Variants in TSPAN18 observed in about 807,000 individuals in gnomAD.
TSPAN18 encodes tetraspanin 18.
Under a neutral mutation model 27.3 loss-of-function variants are expected in TSPAN18, and 14 were observed. The observed-to-expected ratio is 0.51, with a 90% CI of 0.34 to 0.80. The LOEUF is 0.80. Ranked by LOEUF, TSPAN18 falls within the 30% of genes least tolerant of loss-of-function variation. The probability of loss-of-function intolerance (pLI) is 0.01; values close to 1 mark genes in which losing one functional copy is unlikely to be tolerated. For synonymous variants in TSPAN18, 143 were observed against 136.5 expected (o/e 1.05, Z -0.33); for missense variants, 268 against 323.9 (o/e 0.83, Z 1.32).
intron 1 of TSPAN18, among the ~76,000 whole-genome samples, chr11:44,749,063 T>C (rs1855149359): frequency 6.6e-6 from 1 of 152,204 alleles, no homozygotes; most frequent in Non-Finnish European, 1.5e-5. Context: ...CTGGCAGAGC[T>C]GGATCTGCAC....
At chr11:44,845,834 C>T (rs1353562749) in intron 2 of TSPAN18, among the ~76,000 whole-genome samples, 1 of 152,214 alleles carries the variant, frequency 6.6e-6, no homozygotes, top group Non-Finnish European at 1.5e-5. Flanking sequence ...GGGTAGGCAC[C>T]ACCTGTGCTA....
At chr11:44,823,219 G>A (rs1336660110) in intron 2 of TSPAN18, among the ~76,000 whole-genome samples, 3 of 152,124 alleles carry the variant, frequency 2.0e-5, no homozygotes, top group Non-Finnish European at 4.4e-5. Context: ...CTGCCCACTC[G>A]GCCTGCTTGC....
intron 1 of TSPAN18, among the ~76,000 whole-genome samples, chr11:44,743,625 C>A (rs1228118204): frequency 6.6e-6 from 1 of 152,218 alleles, no homozygotes; most frequent in African/African-American, 2.4e-5. Context: ...TAGGAAATCT[C>A]CAGCTTTCAA....
chr11:44,890,902 TG>T (rs1458560492), intron 3 of TSPAN18, among the ~76,000 whole-genome samples: 1 of 152,208 alleles, frequency 6.6e-6, no homozygotes, highest in Admixed American at 6.5e-5. Context: ...TTGTGCACAG[TG>T]GCTCACGTCT....
chr11:44,911,322 C>T (rs1859704152), intron 5 of TSPAN18, among the ~76,000 whole-genome samples: 1 of 152,044 alleles, frequency 6.6e-6, no homozygotes. Flanking sequence ...GACCTGGCAC[C>T]ATACCTCCTC....
At chr11:44,897,648 G>A (rs766423460) in intron 3 of TSPAN18, 17 of 639,250 alleles carry the variant, frequency 2.7e-5, no homozygotes, top group East Asian at 6.8e-5. Flanking sequence ...CAGTTGCCCC[G>A]AGTGTGTGTA....
intron 3 of TSPAN18, among the ~76,000 whole-genome samples, chr11:44,861,181 C>T (rs1857872213): frequency 6.6e-6 from 1 of 152,044 alleles, no homozygotes. Context: ...AGGGCAGGCA[C>T]CTGCAGATCC....
At chr11:44,822,040 C>A (rs1364750062) in intron 2 of TSPAN18, among the ~76,000 whole-genome samples, 1 of 152,026 alleles carries the variant, frequency 6.6e-6, no homozygotes, top group Non-Finnish European at 1.5e-5. Flanking sequence ...AGAGAAATGG[C>A]AACAGGAGGT....
Position 44,897,770 on chromosome 11 carries a change from T to C in TSPAN18, c.-10-8637T>C, listed in dbSNP as rs867403646. On this transcript the variant is annotated intron_variant, in intron 3 of 9. Coordinates refer to ENST00000520358, the MANE Select transcript of TSPAN18 (RefSeq NM_130783.5). ...GGACAAGCTGGGCCGATAAAAGAAA[T>C]ATACACAAGCCTCGCTGACGGGAGA... 82 of 1,289,318 alleles carry C rather than the reference T, an allele frequency of 6.4e-5. 1 individual carries two copies. The Middle Eastern group carries it at 6.6e-3, about 104-fold the overall frequency. 79.9% of individuals were successfully genotyped at this position (1,289,318 alleles called of 1,614,324 possible).
At chr11:44,765,911 A>G (rs1422348007) in intron 2 of TSPAN18, among the ~76,000 whole-genome samples, 1 of 152,158 alleles carries the variant, frequency 6.6e-6, no homozygotes, top group African/African-American at 2.4e-5. Context: ...TGGGACAGTG[A>G]CACCTACTCA....
chr11:44,740,905 G>A (rs1350838057), intron 1 of TSPAN18, among the ~76,000 whole-genome samples: 1 of 152,192 alleles, frequency 6.6e-6, no homozygotes, highest in East Asian at 1.9e-4. Flanking sequence ...CCTGTCCCAA[G>A]TAGCTGGGAC....
chr11:44,849,168 A>G (rs1380447783), intron 2 of TSPAN18, among the ~76,000 whole-genome samples: 1 of 152,176 alleles, frequency 6.6e-6, no homozygotes, highest in African/African-American at 2.4e-5. Context: ...GGTGACAGTC[A>G]AAGTGATCTT....
intron 1 of TSPAN18, among the ~76,000 whole-genome samples, chr11:44,735,065 A>C (rs528135137): frequency 6.6e-6 from 1 of 152,302 alleles, no homozygotes; most frequent in Non-Finnish European, 1.5e-5. Context: ...GTCTCTGAAG[A>C]CAGGGTTCTG....
chr11:44,731,239 G>A (rs1854647491), intron 1 of TSPAN18, among the ~76,000 whole-genome samples: 1 of 152,210 alleles, frequency 6.6e-6, no homozygotes, highest in Admixed American at 6.5e-5. Context: ...GTGAGTCACA[G>A]CCTCTCTCTG....
intron 3 of TSPAN18, among the ~76,000 whole-genome samples, chr11:44,872,128 G>T (rs555605975): frequency 6.6e-6 from 1 of 151,772 alleles, no homozygotes; most frequent in African/African-American, 2.4e-5. Context: ...ACAGGGTTTC[G>T]CCATGTTGTC....
intron 2 of TSPAN18, among the ~76,000 whole-genome samples, chr11:44,786,575 A>G (rs1192414282): frequency 2.0e-5 from 3 of 148,594 alleles, no homozygotes; most frequent in Non-Finnish European, 4.4e-5. Flanking sequence ...CCCAGGATCT[A>G]GGGTGATGTG....
chr11:44,826,795 C>T (rs1376389825), intron 2 of TSPAN18, among the ~76,000 whole-genome samples: 1 of 152,176 alleles, frequency 6.6e-6, no homozygotes, highest in Non-Finnish European at 1.5e-5. Flanking sequence ...CTGCACAGAG[C>T]CTGAGTCAGC....
chr11:44,815,338 C>A (rs192208767), intron 2 of TSPAN18, among the ~76,000 whole-genome samples: 26 of 152,322 alleles, frequency 1.7e-4, no homozygotes, highest in African/African-American at 6.3e-4. Flanking sequence ...ATGTGCACTC[C>A]CAGAAGATGA....
intron 3 of TSPAN18, among the ~76,000 whole-genome samples, chr11:44,862,262 C>T (rs1857915872): frequency 2.0e-5 from 3 of 152,246 alleles, no homozygotes; most frequent in African/African-American, 7.2e-5. Context: ...CTCTGTCCTA[C>T]ATTTAGGGTG....
Sources: gnomAD v4.1 joint callset for allele counts (sites outside exome capture counted in the v4.1 genomes callset) on GRCh38, gnomAD v4.1.1 for gene constraint, MANE v1.5 for transcripts, NCBI Gene and HGNC (gene_info 2026-07-23, HGNC 2026-07-21) for gene names.